Variants in RNF43 observed in about 807,000 individuals in gnomAD.
The protein encoded by RNF43 is E3 ubiquitin-protein ligase RNF43.
Under a neutral mutation model 78.4 loss-of-function variants are expected in RNF43, and 37 were observed. That is an observed-to-expected ratio of 0.47 (90% CI 0.36 to 0.62). RNF43 has a LOEUF of 0.62. RNF43 is among the 20% of genes least tolerant of loss of function. The pLI, the probability that RNF43 is intolerant of heterozygous loss-of-function variation, is 0.00. For missense variants in RNF43, 774 were observed against 1,007.9 expected (o/e 0.77, Z 3.14); for synonymous variants, 347 against 395.0 (o/e 0.88, Z 1.44).
intron 2 of RNF43, among the ~76,000 whole-genome samples, chr17:58,391,149 T>C (rs1234663489): frequency 6.6e-6 from 1 of 152,122 alleles, no homozygotes; most frequent in African/African-American, 2.4e-5. Flanking sequence ...AGATATGGAG[T>C]ACACTGAGGA....
chr17:58,398,923 C>G (rs188973997), intron 2 of RNF43, among the ~76,000 whole-genome samples: 5 of 152,260 alleles, frequency 3.3e-5, no homozygotes, highest in African/African-American at 1.2e-4. Flanking sequence ...GGGAAGAAAA[C>G]AGTTTTCCCC....
intron 3 of RNF43, among the ~76,000 whole-genome samples, chr17:58,368,145 G>A (rs1038315421): frequency 1.3e-5 from 2 of 152,210 alleles, no homozygotes; most frequent in African/African-American, 4.8e-5. Flanking sequence ...GACACCAACA[G>A]GAAAAGCCAA....
intron 2 of RNF43, among the ~76,000 whole-genome samples, chr17:58,403,521 C>T (rs888832099): frequency 2.0e-5 from 3 of 152,216 alleles, no homozygotes; most frequent in African/African-American, 7.2e-5. Context: ...CCTGCCTGTA[C>T]AAGTTGCCTC....
rs1474960950 is a variant in RNF43, at chr17:58,360,823, G to C, written c.809C>G (p.Pro270Arg). 2.5e-6 allele frequency: 4 copies of C among 1,612,816 alleles called. No individual in the cohort carries two copies. Among genetic ancestry groups the C allele is most frequent in the East Asian group, 2.2e-5 (1 of 44,774 alleles). ...CTCCTCCAGACAGATGGCACACACA[G>C]GGGCTGAGCTGCAGCTGCTCCCTGA... ...PDSGSSCSSA[P>R]VCAICLEEFS... is the part of the protein sequence containing the mutation. Residue 270 changes from proline to arginine, a missense_variant, in exon 7 of 10, where the codon CCT becomes CGT. Coordinates refer to ENST00000407977, the MANE Select transcript of RNF43 (RefSeq NM_017763.6). This position sits in a 1 kb window ranked among gnomAD's most constrained non-coding sequence, Gnocchi z 4.3.
chr17:58,412,415 G>A (rs575149146), intron 2 of RNF43, among the ~76,000 whole-genome samples: 22 of 152,030 alleles, frequency 1.4e-4, no homozygotes, highest in Non-Finnish European at 2.8e-4. Flanking sequence ...TTCTTCTAGC[G>A]CTTTTAGAAG....
chr17:58,386,423 T>TA (rs1311654084), intron 2 of RNF43, among the ~76,000 whole-genome samples: 5 of 152,034 alleles, frequency 3.3e-5, no homozygotes, highest in Non-Finnish European at 7.4e-5. Flanking sequence ...AGAGACTCTG[T>TA]AAAAAAACAA....
At chr17:58,388,794 A>G (rs1004212060) in intron 2 of RNF43, among the ~76,000 whole-genome samples, 1 of 152,196 alleles carries the variant, frequency 6.6e-6, no homozygotes, top group African/African-American at 2.4e-5. Context: ...GGATCTGTCA[A>G]ATGGATTTTT....
intron 2 of RNF43, among the ~76,000 whole-genome samples, chr17:58,392,164 A>G (rs140134373): frequency 4.1e-4 from 62 of 152,368 alleles, no homozygotes; most frequent in African/African-American, 1.5e-3. Flanking sequence ...AAAGAATATC[A>G]TCTTAAGGAC....
intron 2 of RNF43, among the ~76,000 whole-genome samples, chr17:58,375,216 C>G (rs891188508): frequency 6.6e-6 from 1 of 152,170 alleles, no homozygotes; most frequent in Non-Finnish European, 1.5e-5. Context: ...AAAATGCTAA[C>G]TTGAGCACGT....
Position 58,353,943 on chromosome 17 carries a change from T to C in RNF43, c.*1000A>G, listed in dbSNP as rs1972627285. The C allele has an allele frequency of 5.4e-6, 1 of 185,504 alleles. No homozygotes were observed. Among genetic ancestry groups the C allele is most frequent in the African/African-American group, 2.3e-5 (1 of 42,594 alleles). The allele number at this position is 185,504 out of a possible 1,614,324, so 11.5% of individuals were successfully genotyped here. On this transcript the variant is annotated 3_prime_UTR_variant, in exon 10 of 10. Coordinates refer to ENST00000407977, the MANE Select transcript of RNF43 (RefSeq NM_017763.6). Reference sequence around the variant, plus strand: ...ATGAGGCCCATCAGCTCTTGTCCACTCAGTGAGGCCAGACTTGTGCTCTAA... The same window carrying C: ...ATGAGGCCCATCAGCTCTTGTCCACCCAGTGAGGCCAGACTTGTGCTCTAA...
intron 2 of RNF43, among the ~76,000 whole-genome samples, chr17:58,398,088 G>A (rs746211804): frequency 3.3e-5 from 5 of 152,056 alleles, no homozygotes; most frequent in Non-Finnish European, 7.4e-5. Context: ...CTTAAACTTG[G>A]CTCAAATAAG....
At chr17:58,363,793 G>T (rs1972894056) in intron 3 of RNF43, among the ~76,000 whole-genome samples, 193 bp from the exon 4 acceptor site, 1 of 152,204 alleles carries the variant, frequency 6.6e-6, no homozygotes, top group African/African-American at 2.4e-5. Context: ...GCTCACTCAG[G>T]TCCCCACTGC....
In RNF43 at chr17:58,354,876, A is replaced by T. The variant is rs1377170362; in HGVS notation, c.*67T>A. The stretch of plus-strand genomic sequence containing the variant: ...GGTCCTTTCCTTTCCCAGGAGCAGG[A>T]CTCTGTGCCAGGTAGGGCCCAAACA... On this transcript the variant is annotated 3_prime_UTR_variant, in exon 10 of 10. Coordinates refer to ENST00000407977, the MANE Select transcript of RNF43 (RefSeq NM_017763.6). 220 of 1,390,834 alleles carry T rather than the reference A, an allele frequency of 1.6e-4. No individual in the cohort carries two copies. Among genetic ancestry groups the T allele is most frequent in the Non-Finnish European group, 3.5e-5 (34 of 976,988 alleles). 86.2% of individuals were successfully genotyped at this position (1,390,834 alleles called of 1,614,324 possible). A position where few individuals can be genotyped will look rare whatever the true frequency, so the allele number is the denominator to read the frequency against.
intron 2 of RNF43, among the ~76,000 whole-genome samples, chr17:58,381,248 G>C (rs111986651): frequency 0.023 from 3,505 of 152,302 alleles, 144 homozygotes; most frequent in African/African-American, 0.081. Context: ...GAAGCCATTG[G>C]GGGGTTGACA....
At position 58,417,252 on chromosome 17, in the gene RNF43, A is replaced by G. The variant is rs1255736204; in HGVS notation, c.-621T>C. The G allele has an allele frequency of 6.6e-6, 1 of 152,248 alleles. No homozygotes were observed. The highest frequency in any genetic ancestry group is 1.9e-4 in the East Asian group (1 of 5,206). 9.4% of individuals were successfully genotyped at this position (152,248 alleles called of 1,614,324 possible). ...GCAGAAATTTACTCCGGGATGAGAG[A>G]TGCTGTCCCCTAGAACTAAATTAAA... On this transcript the variant is annotated 5_prime_UTR_variant, in exon 1 of 10. Coordinates refer to ENST00000407977, the MANE Select transcript of RNF43 (RefSeq NM_017763.6).
At chr17:58,374,394 CT>C (rs1266131489) in intron 2 of RNF43, among the ~76,000 whole-genome samples, 354 of 139,170 alleles carry the variant, frequency 2.5e-3, no homozygotes, top group Non-Finnish European at 3.4e-3. Flanking sequence ...TTTCACTCTT[CT>C]TTTTTTTTTT....
chr17:58,398,566 C>T (rs1346399562), intron 2 of RNF43, among the ~76,000 whole-genome samples: 2 of 152,178 alleles, frequency 1.3e-5, no homozygotes, highest in African/African-American at 4.8e-5. Context: ...AACCTTGCCA[C>T]CAATATTGCC....
At chr17:58,381,888 C>T (rs1973327231) in intron 2 of RNF43, among the ~76,000 whole-genome samples, 1 of 148,300 alleles carries the variant, frequency 6.7e-6, no homozygotes, top group Admixed American at 6.9e-5. Flanking sequence ...TGGACGTTTC[C>T]CTATTTCCTT....
rs1972718071 is a variant in RNF43 at position 58,357,678 on chromosome 17, T to C, written c.2098A>G (p.Ile700Val). ...YPWSPEAHPL[I>V]CGPPGLDKRL... Reference sequence around the variant, plus strand: ...TTGTCCAGGCCTGGAGGTCCACAGATCAAGGGGTGTGCCTCTGGGGACCAA... The same window carrying C: ...TTGTCCAGGCCTGGAGGTCCACAGACCAAGGGGTGTGCCTCTGGGGACCAA... The change falls in exon 9 of 10, where the codon ATC (isoleucine) becomes GTC (valine). Residue 700 changes from isoleucine to valine, a missense_variant. Ile to Val is a conservative substitution (Grantham distance 29). Coordinates refer to ENST00000407977, the MANE Select transcript of RNF43 (RefSeq NM_017763.6). The surrounding 1 kb of genome is among the most constrained non-coding windows in gnomAD (Gnocchi z 4.5). The C allele has an allele frequency of 1.2e-6, 2 of 1,612,716 alleles. No individual in the cohort carries two copies. Among genetic ancestry groups the C allele is most frequent in the Non-Finnish European group, 1.7e-6 (2 of 1,179,268 alleles).
Sources: allele counts gnomAD v4.1 joint callset (sites outside exome capture counted in the v4.1 genomes callset), GRCh38; gene constraint gnomAD v4.1.1; non-coding constraint Gnocchi (gnomAD v3.1); transcripts MANE v1.5; gene names NCBI Gene and HGNC (gene_info 2026-07-23, HGNC 2026-07-21).